HS6ST2: variants seen among roughly 807,000 people sequenced by gnomAD.
HS6ST2 encodes heparan sulfate 6-O-sulfotransferase 2.
In HS6ST2, 17 loss-of-function variants were observed where a neutral mutation model predicts 33.0. The ratio of observed to expected loss-of-function variants is 0.52; its 90% confidence interval spans 0.35 to 0.77. HS6ST2 has a LOEUF of 0.77. Ranked by LOEUF, HS6ST2 falls within the 30% of genes least tolerant of loss-of-function variation. HS6ST2 has a pLI of 0.01. For missense variants in HS6ST2, 519 were observed against 551.7 expected (o/e 0.94, Z 0.59); for synonymous variants, 248 against 237.1 (o/e 1.05, Z -0.42).
intron 2 of HS6ST2, among the ~76,000 whole-genome samples, chrX:132,840,751 G>A (rs1427359574): frequency 9.0e-6 from 1 of 111,218 alleles, no homozygotes; most frequent in Non-Finnish European, 1.9e-5. Context: ...ATATGTGCAG[G>A]TACAAAAATG....
chrX:132,722,183 GTC>G (rs1188879887), intron 2 of HS6ST2, among the ~76,000 whole-genome samples: 1 of 54,324 alleles, frequency 1.8e-5, no homozygotes, highest in African/African-American at 8.4e-5. Flanking sequence ...GCGAGACTCC[GTC>G]TCAAAAAAAA....
intron 4 of HS6ST2, among the ~76,000 whole-genome samples, chrX:132,656,127 A>G (rs1462975929): frequency 8.9e-6 from 1 of 111,836 alleles, no homozygotes; most frequent in East Asian, 2.8e-4. Flanking sequence ...CAAGTGTTTC[A>G]GATTCAGCCT....
At chrX:132,803,431 C>T (rs1349287537) in intron 2 of HS6ST2, among the ~76,000 whole-genome samples, 4 of 111,271 alleles carry the variant, frequency 3.6e-5, no homozygotes, top group Non-Finnish European at 7.5e-5. Flanking sequence ...TTATTTGAGT[C>T]AGAGTCTTGC....
chrX:132,863,137 T>C (rs1277429132), intron 2 of HS6ST2, among the ~76,000 whole-genome samples: 1 of 111,981 alleles, frequency 8.9e-6, no homozygotes, highest in Non-Finnish European at 1.9e-5. Context: ...TTCAACTCTG[T>C]TCTCCATGGA....
intron 4 of HS6ST2, among the ~76,000 whole-genome samples, chrX:132,641,465 C>T (rs2063600941): frequency 8.9e-6 from 1 of 112,548 alleles, no homozygotes; most frequent in African/African-American, 3.2e-5. Flanking sequence ...TTTTCTGTTC[C>T]TGCATTAATT....
In HS6ST2 at chrX:132,945,962, C is replaced by T. The variant is rs748446626; in HGVS notation, c.947+10846G>A. Among the ~76,000 whole-genome samples, 156 of 110,911 alleles carry T rather than the reference C, an allele frequency of 1.4e-3. 1 individual carries two copies. Among genetic ancestry groups the T allele is most frequent in the African/African-American group, 4.8e-3 (147 of 30,503 alleles). On this transcript the variant is annotated intron_variant, in intron 2 of 4. Coordinates refer to ENST00000370833, the MANE Select transcript of HS6ST2 (RefSeq NM_001394073.1). The stretch of plus-strand genomic sequence containing the variant: ...CATGTATACATATGTAACAAACCTG[C>T]ACGTTGTGCACATGTACCCTAGCAC...
chrX:132,934,994 A>C (rs1394719648), intron 2 of HS6ST2, among the ~76,000 whole-genome samples: 1 of 111,928 alleles, frequency 8.9e-6, no homozygotes, highest in Non-Finnish European at 1.9e-5. Flanking sequence ...GAGAAAATAA[A>C]TATTACAAAA....
intron 2 of HS6ST2, among the ~76,000 whole-genome samples, chrX:132,862,513 T>G (rs1387568648): frequency 8.9e-6 from 1 of 112,413 alleles, no homozygotes; most frequent in African/African-American, 3.2e-5. Context: ...CTTCTCTACA[T>G]GTAATATGAG....
intron 4 of HS6ST2, among the ~76,000 whole-genome samples, chrX:132,660,421 T>C (rs2063762785): frequency 9.0e-6 from 1 of 111,674 alleles, no homozygotes; most frequent in Non-Finnish European, 1.9e-5. Flanking sequence ...TTAACCATTA[T>C]ACTATACTAC....
chrX:132,879,079 A>G (rs775426663), intron 2 of HS6ST2, among the ~76,000 whole-genome samples: 1 of 112,170 alleles, frequency 8.9e-6, no homozygotes, highest in Non-Finnish European at 1.9e-5. Context: ...TCTAATTACA[A>G]GCATTTAAGG....
intron 2 of HS6ST2, among the ~76,000 whole-genome samples, chrX:132,953,148 C>T (rs1250799615): frequency 9.0e-6 from 1 of 111,120 alleles, no homozygotes; most frequent in Non-Finnish European, 1.9e-5. Flanking sequence ...GAAATTTGGC[C>T]TAAGAAAAGC....
In HS6ST2 at chrX:132,775,028, T is replaced by C. The variant is rs185091065; in HGVS notation, c.948-66534A>G. On this transcript the variant is annotated intron_variant, in intron 2 of 4. Transcript: ENST00000370833. ...TCCATCTCTGCTCCATGGACTGCAG[T>C]GGTTACCACTGCTGACGACACTAAG... Among the ~76,000 whole-genome samples the C allele has an allele frequency of 7.0e-4, 78 of 110,977 alleles. 1 individual carries two copies. The South Asian group carries it at 0.016, about 22-fold the overall frequency.
At chrX:132,773,949 C>T in intron 2 of HS6ST2, among the ~76,000 whole-genome samples, 1 of 111,838 alleles carries the variant, frequency 8.9e-6, no homozygotes, top group East Asian at 2.8e-4. Context: ...AACTGTATGC[C>T]TTAAAAGGGT....
intron 4 of HS6ST2, among the ~76,000 whole-genome samples, chrX:132,642,143 G>A (rs11796112): frequency 2.2e-4 from 24 of 110,676 alleles, no homozygotes; most frequent in Non-Finnish European, 3.2e-4. Flanking sequence ...ATGGTAGGCC[G>A]TCAATAAATA....
At chrX:132,849,665 C>T (rs1344775742) in intron 2 of HS6ST2, among the ~76,000 whole-genome samples, 1 of 111,912 alleles carries the variant, frequency 8.9e-6, no homozygotes, top group East Asian at 2.8e-4. Context: ...ATCTAATACA[C>T]GAATAATAAG....
intron 3 of HS6ST2, among the ~76,000 whole-genome samples, chrX:132,685,928 A>C (rs2064013587): frequency 8.9e-6 from 1 of 112,519 alleles, no homozygotes; most frequent in African/African-American, 3.2e-5. Flanking sequence ...ATGTTTGTTA[A>C]AAATAAATCC....
chrX:132,627,137 AAAGT>A lies in HS6ST2; in HGVS notation c.*1082_*1085del, dbSNP rs1184293700. On this transcript the variant is annotated 3_prime_UTR_variant, in exon 5 of 5. Coordinates refer to ENST00000370833, the MANE Select transcript of HS6ST2 (RefSeq NM_001394073.1). The stretch of plus-strand genomic sequence containing the variant: ...GAAACATTACAATAGAGATGTACAA[AAAGT>A]AAGTAAGAGTTCACATTTTAGGTTA... 1 of 112,683 alleles carries A rather than the reference AAAGT, an allele frequency of 8.9e-6. No individual in the cohort carries two copies. The highest frequency in any genetic ancestry group is 3.2e-5 in the African/African-American group (1 of 30,951). 9.3% of individuals were successfully genotyped at this position (112,683 alleles called of 1,213,427 possible).
intron 2 of HS6ST2, among the ~76,000 whole-genome samples, chrX:132,739,204 C>G (rs1012867361): frequency 1.8e-5 from 2 of 111,373 alleles, no homozygotes; most frequent in African/African-American, 3.3e-5. Flanking sequence ...TTGCCAGAGG[C>G]GGTGAGCAAG....
chrX:132,921,038 G>A (rs1473900080), intron 2 of HS6ST2, among the ~76,000 whole-genome samples: 2 of 112,652 alleles, frequency 1.8e-5, no homozygotes, highest in African/African-American at 6.4e-5. Context: ...GGAGAATAAA[G>A]AGCAGGTAGA....
Sources: gnomAD v4.1 joint callset for allele counts (sites outside exome capture counted in the v4.1 genomes callset) on GRCh38, gnomAD v4.1.1 for gene constraint, MANE v1.5 for transcripts, NCBI Gene and HGNC (gene_info 2026-07-23, HGNC 2026-07-21) for gene names.